ATRN: variants seen among roughly 807,000 people sequenced by gnomAD.
ATRN encodes attractin-2.
ATRN carries 54 observed loss-of-function variants against 178.7 expected under a neutral mutation model. The observed-to-expected ratio is 0.30, with a 90% CI of 0.24 to 0.38. ATRN has a LOEUF of 0.38. ATRN is among the 10% of genes least tolerant of loss of function. The pLI, the probability that ATRN is intolerant of heterozygous loss-of-function variation, is 1.00. For synonymous variants in ATRN, 636 were observed against 663.0 expected, an observed-to-expected ratio of 0.96 and a Z score of 0.63; for missense variants, 1,443 against 1,815.1, an observed-to-expected ratio of 0.79 and a Z score of 3.73.
chr20:3,557,834 A>C (rs1449197494), intron 6 of ATRN, among the ~76,000 whole-genome samples: 1 of 152,254 alleles, frequency 6.6e-6, no homozygotes, highest in Non-Finnish European at 1.5e-5. Flanking sequence ...TATAACTTTA[A>C]ATTCAACCTC....
At chr20:3,540,146 A>G in intron 2 of ATRN, 76 bp from the exon 3 acceptor site, 3 of 838,746 alleles carry the variant, frequency 3.6e-6, no homozygotes, top group South Asian at 3.8e-5. Flanking sequence ...TAATTTAAAA[A>G]TCTGAATTTT....
chr20:3,575,498 T>C (rs2086197011), intron 12 of ATRN, among the ~76,000 whole-genome samples: 1 of 152,184 alleles, frequency 6.6e-6, no homozygotes, highest in Non-Finnish European at 1.5e-5. Flanking sequence ...TCTTTGGTGT[T>C]CATTCTATTA....
chr20:3,478,621 A>T (rs1211486582), intron 1 of ATRN, among the ~76,000 whole-genome samples: 1 of 152,156 alleles, frequency 6.6e-6, no homozygotes, highest in Non-Finnish European at 1.5e-5. Flanking sequence ...CCACTGTGGC[A>T]CGTGTATGTC....
intron 1 of ATRN, among the ~76,000 whole-genome samples, chr20:3,512,107 A>ATATATATATATATT: frequency 4.7e-5 from 5 of 106,392 alleles, no homozygotes; most frequent in African/African-American, 8.9e-5. Context: ...ATATATATAT[A>ATATATATATATATT]TTTTTTTTTT....
intron 18 of ATRN, among the ~76,000 whole-genome samples, chr20:3,590,275 A>C (rs1021644338): frequency 6.6e-6 from 1 of 152,214 alleles, no homozygotes; most frequent in Non-Finnish European, 1.5e-5. Context: ...ACACTCAAAT[A>C]CTAACAGGTG....
intron 14 of ATRN, among the ~76,000 whole-genome samples, chr20:3,577,794 C>T (rs1294428897): frequency 6.6e-6 from 1 of 152,148 alleles, no homozygotes; most frequent in Admixed American, 6.5e-5. Flanking sequence ...TGCATTTTAT[C>T]TAGTCGACTG....
rs141329956 is a variant in ATRN at position 3,591,176 on chromosome 20, A to G, written c.3192A>G (p.Gln1064=). Residue 1064 remains glutamine, a synonymous_variant, in exon 19 of 29, where the codon CAA becomes CAG. Transcript: ENST00000262919. ...NWSFIHCPAC[Q]CNGHSKCINQ... is the part of the protein sequence containing the mutation. ...AAACTCTTTTTCTTGCAGCTTGCCAATGCAACGGCCACAGTAAATGCATCA... is the reference window on the plus strand; with the variant it reads ...AAACTCTTTTTCTTGCAGCTTGCCAGTGCAACGGCCACAGTAAATGCATCA... 27 of 1,613,864 alleles carry G rather than the reference A, an allele frequency of 1.7e-5. No homozygotes were observed. Among genetic ancestry groups the G allele is most frequent in the Middle Eastern group, 1.6e-4 (1 of 6,084 alleles).
intron 28 of ATRN, among the ~76,000 whole-genome samples, chr20:3,644,594 C>G (rs1230204993): frequency 6.6e-6 from 1 of 152,180 alleles, no homozygotes; most frequent in African/African-American, 2.4e-5. Context: ...GCTGCTCTTT[C>G]CCTGTCTCTT....
Position 3,471,352 on chromosome 20 carries a change from AGGCCGCGGC to A in ATRN, c.249_257del (p.Ala87_Ala89del). 6.7e-7 allele frequency: 1 copy of A among 1,486,114 alleles called. No individual in the cohort carries two copies. The highest frequency in any genetic ancestry group is 8.9e-7 in the Non-Finnish European group (1 of 1,127,634). The allele number at this position is 1,486,114 out of a possible 1,614,324, so 92.1% of individuals were successfully genotyped here. A position where few individuals can be genotyped will look rare whatever the true frequency, so the allele number is the denominator to read the frequency against. On this transcript the variant is annotated inframe_deletion, in exon 1 of 29. Transcript: ENST00000262919. The stretch of plus-strand genomic sequence containing the variant: ...CTGCTGCTGCTGCCCTGTGAGGCCG[AGGCCGCGGC>A]GGCGGCGGCGGCGGTGTCGGGCTCA...
At chr20:3,607,540 A>G (rs1047787061) in intron 24 of ATRN, among the ~76,000 whole-genome samples, 21 of 152,314 alleles carry the variant, frequency 1.4e-4, no homozygotes, top group East Asian at 5.8e-4. Context: ...ATGTTGCTGC[A>G]AAGGACAGGA....
intron 1 of ATRN, among the ~76,000 whole-genome samples, chr20:3,475,714 G>A (rs2084518183): frequency 6.6e-6 from 1 of 152,138 alleles, no homozygotes; most frequent in South Asian, 2.1e-4. Context: ...TCCTGCTGTA[G>A]AAAATGTTTG....
Position 3,522,729 on chromosome 20 carries a change from A to C in ATRN, c.411-12524A>C, listed in dbSNP as rs892065225. Among the ~76,000 whole-genome samples, 12 of 152,294 alleles carry C rather than the reference A, an allele frequency of 7.9e-5. No homozygotes were observed. In the East Asian group the frequency reaches 1.7e-3, roughly 22 times the overall value. ...GCTTCCAGAGGAAGGAACAGGTGGT[A>C]ATCTTTGCTGATCTGCAGCCTCCAG... On this transcript the variant is annotated intron_variant, in intron 1 of 28. Coordinates refer to ENST00000262919, the MANE Select transcript of ATRN (RefSeq NM_139321.3).
chr20:3,554,573 A>G (rs1000030956), intron 6 of ATRN, among the ~76,000 whole-genome samples: 5 of 151,912 alleles, frequency 3.3e-5, no homozygotes, highest in Non-Finnish European at 7.4e-5. Context: ...TGACCTCGTG[A>G]TCTGCCCGCC....
intron 1 of ATRN, among the ~76,000 whole-genome samples, chr20:3,497,935 C>T (rs1296030054): frequency 1.3e-5 from 2 of 151,822 alleles, no homozygotes; most frequent in African/African-American, 4.8e-5. Flanking sequence ...TGATAAACTG[C>T]TAGCAAGACT....
At chr20:3,578,430 TTAATA>T in intron 14 of ATRN, 147 bp from the exon 15 acceptor site, 1 of 648,884 alleles carries the variant, frequency 1.5e-6, no homozygotes, top group Non-Finnish European at 2.5e-6. Context: ...CATTTGGTCC[TTAATA>T]ATGTGTCAGA....
intron 3 of ATRN, among the ~76,000 whole-genome samples, chr20:3,544,228 T>G (rs891810649): frequency 1.2e-4 from 18 of 152,172 alleles, no homozygotes; most frequent in Non-Finnish European, 2.2e-4. Context: ...TCAGAATGCC[T>G]GTTGAGCTTC....
rs1053538220 is a variant in ATRN at position 3,645,282 on chromosome 20, C to A, written c.4165+1014C>A. Among the ~76,000 whole-genome samples the A allele has an allele frequency of 6.6e-6, 1 of 152,192 alleles. No homozygotes were observed. Among genetic ancestry groups the A allele is most frequent in the Non-Finnish European group, 1.5e-5 (1 of 68,024 alleles). ...CTCAGACCCAGAAGATCCTCCAGCC[C>A]AGCTTTAGAATGGTTAGGATCTATA... On this transcript the variant is annotated intron_variant, in intron 28 of 28. Coordinates refer to ENST00000262919, the MANE Select transcript of ATRN (RefSeq NM_139321.3). This position sits in a 1 kb window ranked among gnomAD's most constrained non-coding sequence, Gnocchi z 4.7.
At chr20:3,626,340 T>G (rs1187837762) in intron 25 of ATRN, among the ~76,000 whole-genome samples, 1 of 152,172 alleles carries the variant, frequency 6.6e-6, no homozygotes, top group African/African-American at 2.4e-5. Context: ...AGTATAATAT[T>G]GAGAAGGCTA....
chr20:3,600,122 G>A (rs772328602), intron 22 of ATRN, among the ~76,000 whole-genome samples: 3 of 152,084 alleles, frequency 2.0e-5, no homozygotes, highest in Non-Finnish European at 4.4e-5. Flanking sequence ...GTTAAGAGAT[G>A]TACTAGTCAA....
Sources: gnomAD v4.1 joint callset for allele counts (sites outside exome capture counted in the v4.1 genomes callset) on GRCh38, gnomAD v4.1.1 for gene constraint, Gnocchi (gnomAD v3.1) non-coding constraint, MANE v1.5 for transcripts, NCBI Gene and HGNC (gene_info 2026-07-23, HGNC 2026-07-21) for gene names.